PSAP: variants seen among roughly 807,000 people sequenced by gnomAD.
The protein encoded by PSAP is prosaposin.
In PSAP, 25 loss-of-function variants were observed where a neutral mutation model predicts 66.0. The ratio of observed to expected loss-of-function variants is 0.38; its 90% CI spans 0.28 to 0.53. The LOEUF is 0.53. PSAP is among the 20% of genes least tolerant of loss of function. The pLI is 0.83. For missense variants in PSAP, 649 were observed against 668.8 expected (o/e 0.97, Z 0.33); for synonymous variants, 273 against 258.9 (o/e 1.05, Z -0.52).
rs772106135 is a variant in PSAP, at chr10:71,825,735, GT to G, written c.777+101del. The stretch of plus-strand genomic sequence containing the variant: ...ATTTAGCCCAATTCAGCACTCTAAG[GT>G]AAAAAAGGGAAACTAAACCATATAA... On this transcript the variant is annotated intron_variant, in intron 7 of 13. Coordinates refer to ENST00000394936, the MANE Select transcript of PSAP (RefSeq NM_002778.4). The G allele has an allele frequency of 1.0e-4, 118 of 1,149,246 alleles. No individual in the cohort carries two copies. In the South Asian group the frequency reaches 1.5e-3, roughly 14 times the overall value. The allele number at this position is 1,149,246 out of a possible 1,614,324, so 71.2% of individuals were successfully genotyped here. A position where few individuals can be genotyped will look rare whatever the true frequency, so the allele number is the denominator to read the frequency against.
Position 71,819,737 on chromosome 10 carries a change from C to A in PSAP, c.1169G>T (p.Gly390Val), listed in dbSNP as rs1270266148. ...ACCGGTCAGTGCAGGCAGCCGCGTG[C>A]CAGAGCAGAGGTGCAGCATGCTGCA... ...LVCSMLHLCSGTRLPALTVHV... is the reference protein window; with the variant it reads ...LVCSMLHLCSVTRLPALTVHV... Residue 390 changes from glycine (G) to valine (V), a missense_variant, in exon 10 of 14, where the codon GGC (glycine) becomes GTC (valine). By Grantham distance (109) the Gly-to-Val change is moderately radical. Transcript: ENST00000394936. 5 of 1,613,980 alleles carry A rather than the reference C, an allele frequency of 3.1e-6. No individual in the cohort carries two copies. In the African/African-American group the frequency reaches 5.3e-5, roughly 17 times the overall value.
intron 7 of PSAP, among the ~76,000 whole-genome samples, chr10:71,824,368 G>A (rs1249640094): frequency 1.3e-5 from 2 of 152,190 alleles, no homozygotes; most frequent in Non-Finnish European, 2.9e-5. Context: ...GGATCCTAGG[G>A]CAATCTACTG....
At chr10:71,836,499 C>CCCATGATGACA (rs1046149892) in intron 1 of PSAP, among the ~76,000 whole-genome samples, 2 of 152,076 alleles carry the variant, frequency 1.3e-5, no homozygotes, top group Admixed American at 1.3e-4. Context: ...CTGAAAAGGA[C>CCCATGATGACA]CCATGATGAC....
rs1842255678 is a variant in PSAP at position 71,819,707 on chromosome 10, C to T, written c.1192+7G>A. ...CCATCCTCTCCCGCACCACACCCAG[C>T]GCTCACCGGTCAGTGCAGGCAGCCG... On this transcript the variant is annotated splice_region_variant and intron_variant, in intron 10 of 13. Transcript: ENST00000394936. 1.2e-6 allele frequency: 2 copies of T among 1,614,086 alleles called. No homozygotes were observed. Among genetic ancestry groups the T allele is most frequent in the South Asian group, 2.2e-5 (2 of 91,088 alleles).
intron 1 of PSAP, among the ~76,000 whole-genome samples, chr10:71,836,666 C>T (rs1414885072): frequency 6.6e-6 from 1 of 152,138 alleles, no homozygotes; most frequent in Admixed American, 6.5e-5. Flanking sequence ...GGAGTCACCA[C>T]CAAAAGCAGG....
chr10:71,824,646 A>G (rs1842365756), intron 7 of PSAP, among the ~76,000 whole-genome samples: 1 of 152,280 alleles, frequency 6.6e-6, no homozygotes, highest in Non-Finnish European at 1.5e-5. Flanking sequence ...CATTTGTACA[A>G]GAATATTCAA....
chr10:71,822,659 G>T (rs886798167), intron 7 of PSAP: 1 of 471,886 alleles, frequency 2.1e-6, no homozygotes, highest in Non-Finnish European at 4.4e-6. Flanking sequence ...TAGACATCCT[G>T]ACCATGACAC....
chr10:71,819,109 A>G lies in PSAP; in HGVS notation c.1353T>C (p.Cys451=). ...SFLPDPYQKQ[C]DQFVAEYEPV... is the part of the protein sequence containing the mutation. ...GCTCGTACTCTGCCACAAACTGATC[A>G]CACTATAAAGGAAAGTGGGGACACA... The change falls in exon 12 of 14, where the codon TGT becomes TGC. Residue 451 remains cysteine, a splice_region_variant and synonymous_variant. Transcript: ENST00000394936. 6.2e-7 allele frequency: 1 copy of G among 1,613,858 alleles called. No homozygotes were observed. Among genetic ancestry groups the G allele is most frequent in the Non-Finnish European group, 8.5e-7 (1 of 1,179,772 alleles).
chr10:71,845,652 T>C (rs930404118), intron 1 of PSAP, among the ~76,000 whole-genome samples: 3 of 152,154 alleles, frequency 2.0e-5, no homozygotes, highest in Admixed American at 6.5e-5. Context: ...GTCCATCTAT[T>C]ATCTACTCTA....
At chr10:71,849,640 A>C (rs766724021) in intron 1 of PSAP, among the ~76,000 whole-genome samples, 12 of 152,226 alleles carry the variant, frequency 7.9e-5, no homozygotes, top group Middle Eastern at 3.4e-3. Flanking sequence ...AACAAACAAA[A>C]AAAAAACGGC....
At position 71,828,037 on chromosome 10, in the gene PSAP, G is replaced by A. The variant is rs146934980; in HGVS notation, c.697C>T (p.Leu233=). The A allele has an allele frequency of 3.1e-6, 5 of 1,614,082 alleles. No individual in the cohort carries two copies. The highest frequency in any genetic ancestry group is 1.6e-4 in the Middle Eastern group (1 of 6,084). The change falls in exon 6 of 14, where the codon CTG becomes TTG. Residue 233 remains leucine, a synonymous_variant. Transcript: ENST00000394936. ...ACTATGTCGGCCATGCCAGGGCCCA[G>A]GCGGTCACACTCCTCCTTGACATGT... ...VEHVKEECDR[L]GPGMADICKN...
intron 7 of PSAP, 183 bp downstream of exon 7, chr10:71,825,654 C>G (rs796333720): frequency 4.3e-6 from 3 of 699,236 alleles, no homozygotes; most frequent in Non-Finnish European, 7.8e-6. Flanking sequence ...CTGCCTCTCC[C>G]GTAACAGGGG....
At chr10:71,828,820 T>C (rs983873297) in intron 5 of PSAP, 57 bp downstream of exon 5, 41 of 1,593,052 alleles carry the variant, frequency 2.6e-5, no homozygotes, top group Non-Finnish European at 3.4e-5. Flanking sequence ...GTCCCTTTGG[T>C]CTCTCATCTC....
rs185786940 is a variant in PSAP at position 71,829,180 on chromosome 10, A to G, written c.376-103T>C. ...TTAGTCCCTCTCTTTAAATCCCTTA[A>G]AAGAAACACAAACCTGTTGTCTAAA... On this transcript the variant is annotated intron_variant, in intron 4 of 13. Coordinates refer to ENST00000394936, the MANE Select transcript of PSAP (RefSeq NM_002778.4). The G allele has an allele frequency of 4.4e-5, 48 of 1,089,518 alleles. No homozygotes were observed. The East Asian group carries it at 1.1e-3, about 24-fold the overall frequency. The allele number at this position is 1,089,518 out of a possible 1,614,324, so 67.5% of individuals were successfully genotyped here.
At chr10:71,829,109 T>C in intron 4 of PSAP, 32 bp from the exon 5 acceptor site, 1 of 1,595,284 alleles carries the variant, frequency 6.3e-7, no homozygotes, top group African/African-American at 1.3e-5. Context: ...CTGCTGAAAA[T>C]CCTCTCCCCA....
chr10:71,835,739 A>G (rs932511522), intron 1 of PSAP, among the ~76,000 whole-genome samples: 1 of 150,262 alleles, frequency 6.7e-6, no homozygotes, highest in Non-Finnish European at 1.5e-5. Context: ...GGATGGTGGC[A>G]TGAGGGTCAA....
At chr10:71,822,276 C>G (rs115072950) in intron 7 of PSAP, 1 of 510,600 alleles carries the variant, frequency 2.0e-6, no homozygotes, top group South Asian at 2.0e-5. Flanking sequence ...AGGGCCACCA[C>G]GAGGGAGACT....
chr10:71,848,514 GCT>G (rs1444140015), intron 1 of PSAP, among the ~76,000 whole-genome samples: 1 of 152,156 alleles, frequency 6.6e-6, no homozygotes, highest in Non-Finnish European at 1.5e-5. Flanking sequence ...TGGTGCCATG[GCT>G]TTGCTTTCGC....
rs143555964 is a variant in PSAP, at chr10:71,834,561, C to T, written c.41-56G>A. The T allele has an allele frequency of 0.013, 21,099 of 1,600,496 alleles. 166 individuals carry two copies. The highest frequency in any genetic ancestry group is 0.016 in the Non-Finnish European group (18,786 of 1,173,922). On this transcript the variant is annotated intron_variant, in intron 1 of 13. Transcript: ENST00000394936. The stretch of plus-strand genomic sequence containing the variant: ...CCATTTTGTAGCAAACCAGGTCGAC[C>T]TGACTTATTTCCCCAGGGCTGAGGG...
Sources: allele counts gnomAD v4.1 joint callset (sites outside exome capture counted in the v4.1 genomes callset), GRCh38; gene constraint gnomAD v4.1.1; transcripts MANE v1.5; gene names NCBI Gene and HGNC (gene_info 2026-07-23, HGNC 2026-07-21).